Variants in TENM2 observed in about 807,000 individuals in gnomAD.
TENM2 encodes teneurin transmembrane protein 2, also known as teneurin-2.
Under a neutral mutation model 245.2 loss-of-function variants are expected in TENM2, and 52 were observed. The ratio of observed to expected loss-of-function variants is 0.21; its 90% CI spans 0.17 to 0.27. TENM2 has a LOEUF of 0.27. TENM2 is among the 10% of genes least tolerant of loss of function. The probability of loss-of-function intolerance (pLI) is 1.00; values close to 1 mark genes in which losing one functional copy is unlikely to be tolerated. For missense variants in TENM2, 3,046 were observed against 3,666.8 expected (o/e 0.83, Z 4.37); for synonymous variants, 1,363 against 1,438.9 (o/e 0.95, Z 1.19).
rs988443887 is a variant in TENM2, at chr5:167,926,565, C to T, written c.713-26023C>T. Among the ~76,000 whole-genome samples, 43 of 152,018 alleles carry T rather than the reference C, an allele frequency of 2.8e-4. 1 individual carries two copies. The highest frequency in any genetic ancestry group is 2.5e-4 in the Non-Finnish European group (17 of 67,994). ...GGAAACCCTGTCTCTACTAAAAATCCAAAATAGTAGCTGGGCTTGGTGGCA... is the reference window on the plus strand; with the variant it reads ...GGAAACCCTGTCTCTACTAAAAATCTAAAATAGTAGCTGGGCTTGGTGGCA... On this transcript the variant is annotated intron_variant, in intron 3 of 28. Coordinates refer to ENST00000518659, the Ensembl canonical transcript of TENM2.
At chr5:168,190,267 G>T in intron 13 of TENM2, 70 bp from the exon 16 acceptor site, 2 of 1,221,856 alleles carry the variant, frequency 1.6e-6, no homozygotes, top group East Asian at 2.4e-5. Context: ...TGGTAACAAA[G>T]GTGTTAGTGT....
chr5:168,195,793 G>T (rs1761383651), intron 15 of TENM2, among the ~76,000 whole-genome samples: 1 of 151,934 alleles, frequency 6.6e-6, no homozygotes, highest in Non-Finnish European at 1.5e-5. Flanking sequence ...TTTGGAGGGG[G>T]TGGCGTGTAA....
chr5:167,449,509 C>CAGATAGAT (rs60756285), intron 2 of TENM2, among the ~76,000 whole-genome samples: 20 of 144,062 alleles, frequency 1.4e-4, no homozygotes, highest in East Asian at 4.3e-4. Flanking sequence ...TAAAGATATG[C>CAGATAGAT]AGATAGATAG....
intron 1 of TENM2, chr5:167,306,534 C>T (rs895336702): frequency 1.3e-5 from 2 of 151,920 alleles, no homozygotes; most frequent in Non-Finnish European, 2.9e-5. Flanking sequence ...GTCCACAAAC[C>T]CACACATCCC....
the TENM2 span, among the ~76,000 whole-genome samples, chr5:167,152,925 G>A: frequency 6.6e-6 from 1 of 152,162 alleles, no homozygotes; most frequent in Non-Finnish European, 1.5e-5. Flanking sequence ...GAAAGCATGG[G>A]AAGTAGAACC....
chr5:166,995,730 T>C, the TENM2 span, among the ~76,000 whole-genome samples: 884 of 140,544 alleles, frequency 6.3e-3, 6 homozygotes, highest in Middle Eastern at 0.013. Flanking sequence ...GCAGGAGAAT[T>C]GCTTGAGCCC....
chr5:167,686,620 C>T (rs1420652740), intron 2 of TENM2, among the ~76,000 whole-genome samples: 1 of 152,152 alleles, frequency 6.6e-6, no homozygotes, highest in Non-Finnish European at 1.5e-5. Flanking sequence ...TCACAAGGGT[C>T]AATCTCATGG....
intron 4 of TENM2, among the ~76,000 whole-genome samples, chr5:167,961,154 C>A (rs78206793): frequency 6.6e-6 from 1 of 152,204 alleles, no homozygotes; most frequent in Non-Finnish European, 1.5e-5. Flanking sequence ...GGCCATCTTG[C>A]CAGCCAGCAG....
At chr5:168,255,434 TG>T (rs1767562937) in intron 27 of TENM2, among the ~76,000 whole-genome samples, 2 of 152,176 alleles carry the variant, frequency 1.3e-5, no homozygotes, top group African/African-American at 4.8e-5. Flanking sequence ...CCTGAGGAGC[TG>T]GGACTACAGG....
At chr5:168,047,791 C>T (rs960923938) in intron 6 of TENM2, among the ~76,000 whole-genome samples, 1 of 152,176 alleles carries the variant, frequency 6.6e-6, no homozygotes, top group African/African-American at 2.4e-5. Flanking sequence ...AATGTGCATA[C>T]CTATGCTATC....
At chr5:168,076,941 T>A (rs1791528308) in intron 7 of TENM2, among the ~76,000 whole-genome samples, 1 of 152,166 alleles carries the variant, frequency 6.6e-6, no homozygotes, top group African/African-American at 2.4e-5. Flanking sequence ...TTCATTAGGC[T>A]TATTGAGAAG....
At chr5:167,863,885 G>A (rs1439390914) in intron 2 of TENM2, among the ~76,000 whole-genome samples, 1 of 152,136 alleles carries the variant, frequency 6.6e-6, no homozygotes, top group African/African-American at 2.4e-5. Flanking sequence ...ATTGTTCAGG[G>A]AGGGTATAAA....
rs1161113221 is a variant in TENM2 at position 168,238,176 on chromosome 5, AGAGAGAGAGG to A, written c.5521-6240_5521-6231del. Among the ~76,000 whole-genome samples, 8 of 78,060 alleles carry A rather than the reference AGAGAGAGAGG, an allele frequency of 1.0e-4. No individual in the cohort carries two copies. The East Asian group carries it at 1.6e-3, about 16-fold the overall frequency. The allele number at this position is 78,060 out of a possible 152,430, so 51.2% of individuals were successfully genotyped here. A position where few individuals can be genotyped will look rare whatever the true frequency, so the allele number is the denominator to read the frequency against. On this transcript the variant is annotated intron_variant, in intron 25 of 28. Coordinates refer to ENST00000518659, the Ensembl canonical transcript of TENM2. ...GAAAGAAAGAGAGAGAGAGAGAGAG[AGAGAGAGAGG>A]GAGGGAGGGAGGGAGGGAGGGAGGG...
intron 7 of TENM2, among the ~76,000 whole-genome samples, chr5:168,074,709 T>C (rs247988): frequency 0.57 from 85,965 of 151,870 alleles, 25,058 homozygotes; most frequent in Admixed American, 0.68. Flanking sequence ...CCCTCAGCCC[T>C]GTCAAGCTCA....
intron 1 of TENM2, among the ~76,000 whole-genome samples, chr5:167,370,831 C>T (rs1006757553): frequency 6.6e-6 from 1 of 152,182 alleles, no homozygotes; most frequent in Non-Finnish European, 1.5e-5. Context: ...GAAGGGTTCA[C>T]GGCTTTCCAC....
chr5:167,236,008 A>G, the TENM2 span, among the ~76,000 whole-genome samples: 1 of 152,284 alleles, frequency 6.6e-6, no homozygotes, highest in South Asian at 2.1e-4. Context: ...CACTCTACCA[A>G]CCTTCCTTCC....
rs1015393016 is a variant in TENM2, at chr5:168,192,099, C to T, written c.2780+1552C>T. On this transcript the variant is annotated intron_variant, in intron 14 of 28. Transcript: ENST00000518659. ...GATATCATGTTGGGCTCGTAAACCT[C>T]ATTTTCTTGATTAATAAAATTAGGA... Among the ~76,000 whole-genome samples, 5 of 152,190 alleles carry T rather than the reference C, an allele frequency of 3.3e-5. No individual in the cohort carries two copies. In the East Asian group the frequency reaches 9.6e-4, roughly 29 times the overall value.
intron 2 of TENM2, among the ~76,000 whole-genome samples, chr5:167,658,968 GAAT>G (rs1755029095): frequency 6.6e-6 from 1 of 152,130 alleles, no homozygotes; most frequent in Non-Finnish European, 1.5e-5. Flanking sequence ...GTTAAATAAA[GAAT>G]AAAGCCATTC....
the TENM2 span, among the ~76,000 whole-genome samples, chr5:167,011,906 G>A: frequency 1.3e-3 from 197 of 152,260 alleles, no homozygotes; most frequent in Non-Finnish European, 2.5e-3. Context: ...AAAGTGCATT[G>A]TTCTATTGGT....
Sources: gnomAD v4.1 joint callset for allele counts (sites outside exome capture counted in the v4.1 genomes callset) on GRCh38, gnomAD v4.1.1 for gene constraint, MANE v1.5 for transcripts, NCBI Gene and HGNC (gene_info 2026-07-23, HGNC 2026-07-21) for gene names.